Variants in CDK13 observed in about 807,000 individuals in gnomAD.
CDK13 encodes the protein cyclin-dependent kinase 13.
CDK13 carries 40 observed loss-of-function variants against 137.6 expected under a neutral mutation model. The ratio of observed to expected loss-of-function variants is 0.29; its 90% CI spans 0.23 to 0.38. The LOEUF is 0.38. Ranked by LOEUF, CDK13 falls within the 10% of genes least tolerant of loss-of-function variation. The probability of loss-of-function intolerance (pLI) is 1.00; values close to 1 mark genes in which losing one functional copy is unlikely to be tolerated. For missense variants in CDK13, 1,704 were observed against 1,951.8 expected, an observed-to-expected ratio of 0.87 and a Z score of 2.39; for synonymous variants, 869 against 760.1, an observed-to-expected ratio of 1.14 and a Z score of -2.36.
chr7:39,978,303 A>G (rs1784150641), intron 1 of CDK13, among the ~76,000 whole-genome samples: 1 of 152,176 alleles, frequency 6.6e-6, no homozygotes, highest in Non-Finnish European at 1.5e-5. Flanking sequence ...GCAGAGAGAG[A>G]CTTTTAAGGT....
chr7:40,085,827 A>G (rs939058746), intron 11 of CDK13: 4 of 152,582 alleles, frequency 2.6e-5, no homozygotes, highest in Non-Finnish European at 5.9e-5. Flanking sequence ...TCATTGGTCC[A>G]TGCATGGCTC....
intron 5 of CDK13, among the ~76,000 whole-genome samples, chr7:40,031,867 G>T (rs999401416): frequency 2.2e-5 from 3 of 139,504 alleles, no homozygotes; most frequent in Non-Finnish European, 4.6e-5. Flanking sequence ...TATTATTATT[G>T]GGAGAAATGG....
rs532626647 is a variant in CDK13, at chr7:40,058,620, A to G, written c.2601-4206A>G. 4.6e-4 allele frequency among the ~76,000 whole-genome samples: 70 copies of G among 152,222 alleles called. 1 individual carries two copies. In the South Asian group the frequency reaches 0.014, roughly 30 times the overall value. On this transcript the variant is annotated intron_variant, in intron 7 of 13. Coordinates refer to ENST00000181839, the MANE Select transcript of CDK13 (RefSeq NM_003718.5). ...GAGATGGAAGCCAGGAAACCAGTTA[A>G]GATATTGTTGTGGTCATACCAGTGA...
intron 5 of CDK13, among the ~76,000 whole-genome samples, chr7:40,044,041 T>C (rs1433523453): frequency 2.0e-5 from 3 of 151,430 alleles, no homozygotes; most frequent in Non-Finnish European, 4.4e-5. Flanking sequence ...GGATTACAGG[T>C]GCACGCCACC....
At chr7:39,987,332 C>T (rs1784361021) in intron 1 of CDK13, among the ~76,000 whole-genome samples, 1 of 152,134 alleles carries the variant, frequency 6.6e-6, no homozygotes, top group South Asian at 2.1e-4. Flanking sequence ...TTTTCTGAGA[C>T]AGCAGTGATG....
chr7:39,970,434 C>T (rs1007956751), intron 1 of CDK13, among the ~76,000 whole-genome samples: 4 of 151,600 alleles, frequency 2.6e-5, no homozygotes, highest in African/African-American at 7.3e-5. Context: ...AGCATACTTA[C>T]ATTTTCATCT....
At chr7:40,003,958 T>C (rs1784746747) in intron 5 of CDK13, among the ~76,000 whole-genome samples, 1 of 152,244 alleles carries the variant, frequency 6.6e-6, no homozygotes, top group African/African-American at 2.4e-5. Flanking sequence ...CAATTTAATG[T>C]TTCCTAATAA....
Position 40,087,625 on chromosome 7 carries a change from C to T in CDK13, c.3030-501C>T, listed in dbSNP as rs949332187. Reference sequence around the variant, plus strand: ...GTGCAGTGGCGCAATCTCGGCTCACCGCAACCTCCACCTCCCGGGTTCATG... The same window carrying T: ...GTGCAGTGGCGCAATCTCGGCTCACTGCAACCTCCACCTCCCGGGTTCATG... On this transcript the variant is annotated intron_variant, in intron 11 of 13. Transcript: ENST00000181839. Among the ~76,000 whole-genome samples the T allele has an allele frequency of 5.3e-5, 8 of 150,018 alleles. 1 individual carries two copies. The highest frequency in any genetic ancestry group is 2.1e-4 in the South Asian group (1 of 4,770).
rs1406051894 is a variant in CDK13, at chr7:40,098,296, CTGAGTTA to C, written c.*3317_*3323del. ...CATAAATGCTTAAAATCTGGTACTT[CTGAGTTA>C]AGGTTTTGCTCTTTGAGCTTAATCC... On this transcript the variant is annotated 3_prime_UTR_variant, in exon 14 of 14. Coordinates refer to ENST00000181839, the MANE Select transcript of CDK13 (RefSeq NM_003718.5). 6.6e-6 allele frequency: 1 copy of C among 151,968 alleles called. No individual in the cohort carries two copies. Among genetic ancestry groups the C allele is most frequent in the Non-Finnish European group, 1.5e-5 (1 of 67,962 alleles). 9.4% of individuals were successfully genotyped at this position (151,968 alleles called of 1,614,324 possible). A position where few individuals can be genotyped will look rare whatever the true frequency, so the allele number is the denominator to read the frequency against.
intron 5 of CDK13, among the ~76,000 whole-genome samples, chr7:40,024,799 G>T (rs987575224): frequency 6.6e-6 from 1 of 152,002 alleles, no homozygotes; most frequent in Non-Finnish European, 1.5e-5. Context: ...GAGTAGCTGG[G>T]ATTACACGTG....
At chr7:39,973,564 C>G (rs534287115) in intron 1 of CDK13, among the ~76,000 whole-genome samples, 1 of 152,144 alleles carries the variant, frequency 6.6e-6, no homozygotes, top group Non-Finnish European at 1.5e-5. Flanking sequence ...CATTCTATCA[C>G]TTTGTTGATG....
chr7:40,090,851 T>C (rs1786905503), intron 12 of CDK13, among the ~76,000 whole-genome samples: 1 of 152,080 alleles, frequency 6.6e-6, no homozygotes, highest in Admixed American at 6.5e-5. Flanking sequence ...GTGGCCTGGA[T>C]GATAAAGTGA....
intron 7 of CDK13, 26 bp from the exon 8 acceptor site, chr7:40,062,800 T>C: frequency 6.7e-7 from 1 of 1,485,152 alleles, no homozygotes; most frequent in Non-Finnish European, 9.4e-7. Flanking sequence ...ATACTAACTC[T>C]AAAGACTGTT....
At chr7:40,065,862 T>A (rs912171175) in intron 9 of CDK13, among the ~76,000 whole-genome samples, 2 of 152,200 alleles carry the variant, frequency 1.3e-5, no homozygotes, top group African/African-American at 4.8e-5. Context: ...TAAATTAGTC[T>A]ACTAGTTTAA....
chr7:39,999,553 G>T, intron 4 of CDK13, 53 bp downstream of exon 4: 1 of 1,508,710 alleles, frequency 6.6e-7, no homozygotes, highest in Non-Finnish European at 8.9e-7. Context: ...TACTTAGTTT[G>T]TGTTTCTCTT....
In CDK13 at chr7:39,951,006, C is replaced by T. The variant is rs1272541164; in HGVS notation, c.365C>T (p.Ser122Leu). The change falls in exon 1 of 14, where the codon TCG becomes TTG. Residue 122 changes from serine (S) to leucine (L), a missense_variant. Around this residue, in one of 5 missense-constraint regions of CDK13, gnomAD observed 1,051 missense variants for 931.0 expected, o/e 1.13. Transcript: ENST00000181839. The stretch of plus-strand genomic sequence containing the variant: ...GAGGCGGAGAAGCGTCGGGTCTTCT[C>T]GCTGCCCCAGCCGCAGCAGGACGGC... ...GQEAEKRRVF[S>L]LPQPQQDGGG... The T allele has an allele frequency of 1.5e-6, 2 of 1,305,008 alleles. No homozygotes were observed. Among genetic ancestry groups the T allele is most frequent in the Non-Finnish European group, 1.9e-6 (2 of 1,030,272 alleles). 80.8% of individuals were successfully genotyped at this position (1,305,008 alleles called of 1,614,324 possible).
chr7:40,008,177 A>ATATC (rs1368517689), intron 5 of CDK13, among the ~76,000 whole-genome samples: 1 of 152,208 alleles, frequency 6.6e-6, no homozygotes, highest in Non-Finnish European at 1.5e-5. Context: ...GTTTCTAGAT[A>ATATC]GATCTGGGCT....
At chr7:40,057,428 A>G (rs1455928334) in intron 7 of CDK13, among the ~76,000 whole-genome samples, 1 of 152,170 alleles carries the variant, frequency 6.6e-6, no homozygotes, top group Non-Finnish European at 1.5e-5. Flanking sequence ...GAGGTGAGAA[A>G]AGAGGAGGGA....
At chr7:40,058,725 T>G (rs1786076989) in intron 7 of CDK13, among the ~76,000 whole-genome samples, 1 of 152,060 alleles carries the variant, frequency 6.6e-6, no homozygotes, top group African/African-American at 2.4e-5. Flanking sequence ...TTTGGAAATT[T>G]GAGGGAAAGA....
Sources: allele counts gnomAD v4.1 joint callset (sites outside exome capture counted in the v4.1 genomes callset), GRCh38; gene constraint gnomAD v4.1.1; regional missense constraint gnomAD v4.1.1; transcripts MANE v1.5; gene names NCBI Gene and HGNC (gene_info 2026-07-23, HGNC 2026-07-21).